OR51B5: variants seen among roughly 807,000 people sequenced by gnomAD.
The protein encoded by OR51B5 is olfactory receptor 51B5.
For missense variants in OR51B5, 456 were observed against 374.6 expected (o/e 1.22, Z -1.79); for synonymous variants, 186 against 144.8 (o/e 1.28, Z -2.04).
At chr11:5,390,020 A>C (rs1291861067) in intron 1 of OR51B5, 3 of 1,613,454 alleles carry the variant, frequency 1.9e-6, no homozygotes, top group Non-Finnish European at 1.7e-6. Context: ...CACCTTCAAT[A>C]ATCTGTATGG....
intron 1 of OR51B5, among the ~76,000 whole-genome samples, chr11:5,464,395 G>A (rs941152814): frequency 3.3e-5 from 5 of 151,832 alleles, no homozygotes; most frequent in African/African-American, 7.3e-5. Context: ...CCACTAACTC[G>A]TCATCTAGCG....
chr11:5,351,850 G>A, intron 1 of OR51B5: 1 of 1,613,912 alleles, frequency 6.2e-7, no homozygotes, highest in Non-Finnish European at 8.5e-7. Flanking sequence ...TGTCTTGCTT[G>A]CCATGGCTTA....
At chr11:5,413,094 G>T (rs933412878) in intron 1 of OR51B5, among the ~76,000 whole-genome samples, 3 of 152,162 alleles carry the variant, frequency 2.0e-5, no homozygotes, top group African/African-American at 7.2e-5. Context: ...AAAACTTCCA[G>T]AGGAACGATC....
chr11:5,381,535 T>C (rs1207043798), intron 1 of OR51B5, among the ~76,000 whole-genome samples: 1 of 152,230 alleles, frequency 6.6e-6, no homozygotes, highest in Non-Finnish European at 1.5e-5. Flanking sequence ...GGAAACTTCG[T>C]TGAACAATCT....
At chr11:5,366,815 G>A (rs1849376601) in intron 1 of OR51B5, among the ~76,000 whole-genome samples, 1 of 152,176 alleles carries the variant, frequency 6.6e-6, no homozygotes, top group African/African-American at 2.4e-5. Context: ...AGTTTGTATT[G>A]ATGACTAATT....
intron 1 of OR51B5, among the ~76,000 whole-genome samples, chr11:5,361,008 G>GGGTGGGGGGA (rs1849276128): frequency 6.8e-6 from 1 of 146,804 alleles, no homozygotes; most frequent in Non-Finnish European, 1.5e-5. Flanking sequence ...GGGTCGGGGG[G>GGGTGGGGGGA]AGGGATAGCA....
upstream of OR51B5, among the ~76,000 whole-genome samples, chr11:5,344,591 T>C (rs886303935): frequency 3.3e-5 from 5 of 152,176 alleles, no homozygotes; most frequent in Non-Finnish European, 7.4e-5. Context: ...CTTCTGCCAC[T>C]AGACTAGGGG....
chr11:5,342,592 T>C (rs1178546740), exon 1 of OR51B5: 7 of 1,578,218 alleles, frequency 4.4e-6, no homozygotes, highest in Non-Finnish European at 5.1e-6. Context: ...GAGATCAGGT[T>C]CCAATTCTAT....
At chr11:5,476,249 A>G (rs562509007) in intron 1 of OR51B5, among the ~76,000 whole-genome samples, 91 of 152,184 alleles carry the variant, frequency 6.0e-4, no homozygotes, top group African/African-American at 2.1e-3. Context: ...AATTCTATAA[A>G]CTCGTTTAAA....
At chr11:5,402,585 T>A (rs377635132) in intron 1 of OR51B5, 93 of 465,350 alleles carry the variant, frequency 2.0e-4, no homozygotes, top group South Asian at 9.4e-4. Context: ...TCCCTGAGGA[T>A]GATATGTCAA....
At chr11:5,352,204 G>A (rs774089635) in intron 1 of OR51B5, 2 of 1,614,010 alleles carry the variant, frequency 1.2e-6, no homozygotes, top group Non-Finnish European at 1.7e-6. Context: ...AGGAGAAAGG[G>A]CCAAGGCCCT....
intron 1 of OR51B5, among the ~76,000 whole-genome samples, chr11:5,459,662 A>C (rs1446908500): frequency 6.7e-6 from 1 of 149,344 alleles, no homozygotes; most frequent in African/African-American, 2.6e-5. Context: ...GGGAAATGCA[A>C]GTCAAAACCA....
At chr11:5,422,417 C>CT (rs1477292445) in intron 1 of OR51B5, 1 of 1,614,158 alleles carries the variant, frequency 6.2e-7, no homozygotes, top group South Asian at 1.1e-5. Context: ...CCTGACGGAC[C>CT]TGGGTCTCAC....
At chr11:5,498,147 C>A (rs1851675946) in intron 1 of OR51B5, among the ~76,000 whole-genome samples, 1 of 152,182 alleles carries the variant, frequency 6.6e-6, no homozygotes, top group African/African-American at 2.4e-5. Flanking sequence ...ATTCCACCAG[C>A]AGAAGAGGTA....
intron 1 of OR51B5, among the ~76,000 whole-genome samples, chr11:5,383,587 A>G (rs1321046910): frequency 6.6e-6 from 1 of 152,250 alleles, no homozygotes; most frequent in African/African-American, 2.4e-5. Context: ...GAAATTAAAA[A>G]TAAACAGATA....
chr11:5,346,999 ATATTTACTCTG>A (rs1849002657), upstream of OR51B5: 1 of 152,166 alleles, frequency 6.6e-6, no homozygotes, highest in Non-Finnish European at 1.5e-5. Context: ...ATCTTAAGAA[ATATTTACTCTG>A]TATTAACTCC....
At chr11:5,480,049 C>T (rs1408347666) in intron 1 of OR51B5, among the ~76,000 whole-genome samples, 1 of 151,954 alleles carries the variant, frequency 6.6e-6, no homozygotes, top group Non-Finnish European at 1.5e-5. Context: ...CCCAAATCAA[C>T]AGAATATACA....
intron 1 of OR51B5, chr11:5,402,471 A>C (rs769021255): frequency 1.1e-4 from 41 of 359,706 alleles, no homozygotes; most frequent in Non-Finnish European, 2.1e-4. Flanking sequence ...GGCCACATAA[A>C]TCTGTGAGTT....
chr11:5,426,240 G>A (rs1033688690), intron 1 of OR51B5, among the ~76,000 whole-genome samples: 1 of 152,068 alleles, frequency 6.6e-6, no homozygotes, highest in Non-Finnish European at 1.5e-5. Context: ...TGAAGCTCGA[G>A]GATTTTATTT....
Sources: gnomAD v4.1 joint callset for allele counts (sites outside exome capture counted in the v4.1 genomes callset) on GRCh38, gnomAD v4.1.1 for gene constraint, MANE v1.5 for transcripts, NCBI Gene and HGNC (gene_info 2026-07-23, HGNC 2026-07-21) for gene names.